SNAP91: variants seen among roughly 807,000 people sequenced by gnomAD.
The protein encoded by SNAP91 is clathrin coat assembly protein AP180.
SNAP91 carries 27 observed loss-of-function variants against 100.3 expected under a neutral mutation model. The observed-to-expected ratio is 0.27, with a 90% confidence interval of 0.20 to 0.37. The LOEUF (loss-of-function observed/expected upper bound fraction) is 0.37. Among genes scored for constraint, SNAP91 ranks in the 10% least tolerant of loss-of-function variants. The probability of loss-of-function intolerance (pLI) is 1.00; values close to 1 mark genes in which losing one functional copy is unlikely to be tolerated. For synonymous variants in SNAP91, 404 were observed against 398.6 expected (o/e 1.01, Z -0.16); for missense variants, 986 against 1,123.7 (o/e 0.88, Z 1.75).
At chr6:83,681,178 A>G (rs1305617788) in intron 2 of SNAP91, among the ~76,000 whole-genome samples, 1 of 152,186 alleles carries the variant, frequency 6.6e-6, no homozygotes, top group Admixed American at 6.5e-5. Flanking sequence ...AAAAATGGTT[A>G]ACACCATCAG....
chr6:83,603,984 G>C (rs2095456063), intron 14 of SNAP91, among the ~76,000 whole-genome samples: 1 of 152,004 alleles, frequency 6.6e-6, no homozygotes. Flanking sequence ...AAAGTATTTA[G>C]AGATGAAAAT....
At chr6:83,614,808 ATT>A in intron 11 of SNAP91, 47 bp downstream of exon 11, 1 of 1,458,120 alleles carries the variant, frequency 6.9e-7, no homozygotes. Flanking sequence ...TGTTTTTTGC[ATT>A]TTTAGTAATT....
At position 83,556,185 on chromosome 6, in the gene SNAP91, A is replaced by T; in HGVS notation, c.2692T>A (p.Leu898Ile). 6.4e-7 allele frequency: 1 copy of T among 1,573,400 alleles called. No homozygotes were observed. Among genetic ancestry groups the T allele is most frequent in the Non-Finnish European group, 8.6e-7 (1 of 1,158,952 alleles). The change falls in exon 29 of 30, where the codon TTA becomes ATA. Residue 898 changes from leucine (L) to isoleucine (I), a missense_variant. Physicochemically the swap from Leu to Ile is conservative, Grantham distance 5. Transcript: ENST00000369694. ...SPKKPPAKDP[L>I]ADLNIKDFL ...AAATCCTTGATGTTAAGATCCGCTA[A>T]TGGGTCCTTTGCTGGAGGTTTCTTG...
chr6:83,594,321 G>A, intron 17 of SNAP91, 53 bp downstream of exon 17: 1 of 1,351,540 alleles, frequency 7.4e-7, no homozygotes. Context: ...TAACTACGGG[G>A]GTTTTACATT....
intron 11 of SNAP91, among the ~76,000 whole-genome samples, chr6:83,611,057 T>G (rs1053876267): frequency 1.3e-5 from 2 of 152,012 alleles, no homozygotes; most frequent in African/African-American, 4.8e-5. Context: ...TCAGAAGGCT[T>G]GGAAAAAACC....
At position 83,554,155 on chromosome 6, in the gene SNAP91, T is replaced by C. The variant is rs1774218862; in HGVS notation, c.*141A>G. ...CTAATGTTCACTTTCACGGCTGTGT[T>C]ACACATTTTGGAAGAGAAGTTATGA... On this transcript the variant is annotated 3_prime_UTR_variant, in exon 30 of 30. Transcript: ENST00000369694. 1 of 179,102 alleles carries C rather than the reference T, an allele frequency of 5.6e-6. No homozygotes were observed. Among genetic ancestry groups the C allele is most frequent in the Non-Finnish European group, 1.2e-5 (1 of 82,678 alleles). The allele number at this position is 179,102 out of a possible 1,614,324, so 11.1% of individuals were successfully genotyped here. A position where few individuals can be genotyped will look rare whatever the true frequency, so the allele number is the denominator to read the frequency against.
At chr6:83,617,610 T>G (rs896807303) in intron 9 of SNAP91, among the ~76,000 whole-genome samples, 1 of 151,352 alleles carries the variant, frequency 6.6e-6, no homozygotes, top group Non-Finnish European at 1.5e-5. Context: ...AAAAATATAT[T>G]TATATGTATA....
Position 83,659,047 on chromosome 6 carries a change from C to T in SNAP91, c.498G>A (p.Lys166=). Residue 166 remains lysine (K), a synonymous_variant, in exon 6 of 30, where the codon AAG becomes AAA. Transcript: ENST00000369694. ...MRTMAPEKLL[K]SMPILQGQID... ...TTTGTCCCTGTAGTATTGGCATACT[C>T]TTTAGCAGCTTTTCGGGAGCCATTG... 1 of 1,607,438 alleles carries T rather than the reference C, an allele frequency of 6.2e-7. No individual in the cohort carries two copies. The highest frequency in any genetic ancestry group is 2.2e-5 in the East Asian group (1 of 44,720).
intron 26 of SNAP91, among the ~76,000 whole-genome samples, chr6:83,572,713 G>A (rs1584615460): frequency 6.6e-6 from 1 of 152,110 alleles, no homozygotes; most frequent in East Asian, 1.9e-4. Flanking sequence ...CTGGTGATAA[G>A]GGCAACATCA....
chr6:83,637,782 T>C (rs1454331049), intron 8 of SNAP91, among the ~76,000 whole-genome samples: 1 of 152,204 alleles, frequency 6.6e-6, no homozygotes, highest in Non-Finnish European at 1.5e-5. Context: ...TTCTTTTTGT[T>C]CTGACACTGG....
intron 2 of SNAP91, among the ~76,000 whole-genome samples, chr6:83,675,827 AACACACACAC>A (rs373927158): frequency 3.6e-5 from 5 of 138,198 alleles, no homozygotes; most frequent in African/African-American, 1.1e-4. Flanking sequence ...CACTTGAAGG[AACACACACAC>A]ACACACACAC....
chr6:83,587,809 C>T (rs551788929), intron 22 of SNAP91, among the ~76,000 whole-genome samples: 1 of 152,098 alleles, frequency 6.6e-6, no homozygotes, highest in South Asian at 2.1e-4. Context: ...TCCTAGTTCA[C>T]AGGATAGAAT....
At chr6:83,591,335 T>C in intron 21 of SNAP91, 41 bp from the exon 22 acceptor site, 2 of 1,347,736 alleles carry the variant, frequency 1.5e-6, no homozygotes, top group Non-Finnish European at 2.1e-6. Flanking sequence ...TAAGAAAGTG[T>C]AAAAAGTAAG....
chr6:83,650,637 C>T (rs1253320088), intron 7 of SNAP91, among the ~76,000 whole-genome samples: 1 of 152,128 alleles, frequency 6.6e-6, no homozygotes, highest in Non-Finnish European at 1.5e-5. Flanking sequence ...AGGCTGGTCT[C>T]GAACCCCTGA....
chr6:83,609,353 A>G (rs565110309), intron 12 of SNAP91, among the ~76,000 whole-genome samples: 1 of 152,322 alleles, frequency 6.6e-6, no homozygotes, highest in South Asian at 2.1e-4. Context: ...CATATATTGG[A>G]GTTTTTCACA....
rs749196400 is a variant in SNAP91, at chr6:83,659,022, T to C, written c.523A>G (p.Ile175Val). The C allele has an allele frequency of 8.1e-6, 13 of 1,606,996 alleles. 1 individual carries two copies. In the South Asian group the frequency reaches 1.3e-4, roughly 17 times the overall value. ...ACATCAAATTCAAGCAGTGCATCAA[T>C]TTGTCCCTGTAGTATTGGCATACTC... ...LKSMPILQGQ[I>V]DALLEFDVHP... is the part of the protein sequence containing the mutation. Residue 175 changes from isoleucine (I) to valine (V), a missense_variant, in exon 6 of 30, where the codon ATT becomes GTT. By Grantham distance (29) the Ile-to-Val change is conservative (BLOSUM62 3). Coordinates refer to ENST00000369694, the MANE Select transcript of SNAP91 (RefSeq NM_001242792.2).
chr6:83,585,073 A>G (rs921274821), intron 22 of SNAP91, among the ~76,000 whole-genome samples: 1 of 152,242 alleles, frequency 6.6e-6, no homozygotes, highest in Non-Finnish European at 1.5e-5. Context: ...ATAATGAAGA[A>G]CTAAACAGGA....
At chr6:83,706,202 T>G (rs554832320) in intron 2 of SNAP91, among the ~76,000 whole-genome samples, 1 of 152,386 alleles carries the variant, frequency 6.6e-6, no homozygotes, top group South Asian at 2.1e-4. Context: ...ATCATTTTAA[T>G]TATAGATCAG....
intron 9 of SNAP91, among the ~76,000 whole-genome samples, chr6:83,621,632 A>G (rs2096732954): frequency 6.6e-6 from 1 of 152,166 alleles, no homozygotes. Flanking sequence ...ATATGATTTC[A>G]ATGATGTACT....
Sources: gnomAD v4.1 joint callset for allele counts (sites outside exome capture counted in the v4.1 genomes callset) on GRCh38, gnomAD v4.1.1 for gene constraint, MANE v1.5 for transcripts, NCBI Gene and HGNC (gene_info 2026-07-23, HGNC 2026-07-21) for gene names.